Variants in REV3L observed in about 807,000 individuals in gnomAD.
The protein encoded by REV3L is DNA polymerase zeta catalytic subunit.
Under a neutral mutation model 299.4 loss-of-function variants are expected in REV3L, and 69 were observed. The ratio of observed to expected loss-of-function variants is 0.23; its 90% CI spans 0.19 to 0.28. The LOEUF (loss-of-function observed/expected upper bound fraction) is 0.28. Among genes scored for constraint, REV3L ranks in the 10% least tolerant of loss-of-function variants. The pLI, the probability that REV3L is intolerant of heterozygous loss-of-function variation, is 1.00. For missense variants in REV3L, 3,128 were observed against 3,693.8 expected (o/e 0.85, Z 3.97); for synonymous variants, 1,238 against 1,271.4 (o/e 0.97, Z 0.56).
At chr6:111,325,262 A>G (rs1774655638) in intron 25 of REV3L, among the ~76,000 whole-genome samples, 1 of 152,262 alleles carries the variant, frequency 6.6e-6, no homozygotes, top group South Asian at 2.1e-4. Flanking sequence ...AAAAGGCACA[A>G]ATATACCTTT....
upstream of REV3L, chr6:111,483,249 G>T: frequency 2.1e-6 from 1 of 486,094 alleles, no homozygotes; most frequent in East Asian, 3.5e-5. Flanking sequence ...GGGGAGAGGG[G>T]GGTGTGTGTG....
chr6:111,368,874 T>C (rs372053886), intron 13 of REV3L, among the ~76,000 whole-genome samples: 1 of 152,162 alleles, frequency 6.6e-6, no homozygotes, highest in South Asian at 2.1e-4. Flanking sequence ...ATTCCCCAAA[T>C]GTCCCCATCA....
chr6:111,365,064 A>G (rs1466740258), intron 15 of REV3L, among the ~76,000 whole-genome samples: 2 of 151,936 alleles, frequency 1.3e-5, no homozygotes, highest in African/African-American at 2.4e-5. Context: ...GTATTTACAT[A>G]TAAGAATCTT....
At chr6:111,314,586 G>C (rs1773320853) in intron 27 of REV3L, among the ~76,000 whole-genome samples, 1 of 152,092 alleles carries the variant, frequency 6.6e-6, no homozygotes, top group Admixed American at 6.6e-5. Context: ...CTGCTGGTTG[G>C]GTTACCCCTA....
chr6:111,365,092 A>C (rs763743321), intron 15 of REV3L, among the ~76,000 whole-genome samples, 173 bp downstream of exon 15: 14 of 151,982 alleles, frequency 9.2e-5, no homozygotes, highest in Non-Finnish European at 1.5e-4. Flanking sequence ...CCAACATCAA[A>C]AAAAAAACTA....
At chr6:111,453,371 C>T (rs1395439172) in intron 1 of REV3L, among the ~76,000 whole-genome samples, 3 of 152,160 alleles carry the variant, frequency 2.0e-5, no homozygotes, top group Non-Finnish European at 2.9e-5. Flanking sequence ...TTCAATAGCA[C>T]ATATACTTTC....
At chr6:111,358,501 G>C (rs1778322691) in intron 17 of REV3L, among the ~76,000 whole-genome samples, 1 of 152,094 alleles carries the variant, frequency 6.6e-6, no homozygotes, top group African/African-American at 2.4e-5. Context: ...ACCCAGGCTG[G>C]AATGCAGTGG....
chr6:111,428,514 T>C (rs962205834), intron 1 of REV3L, among the ~76,000 whole-genome samples: 11 of 151,866 alleles, frequency 7.2e-5, no homozygotes, highest in African/African-American at 2.7e-4. Flanking sequence ...TAGAGAAATT[T>C]AACAAGAAGA....
chr6:111,375,661 G>A lies in REV3L; in HGVS notation c.2694C>T (p.His898=). ...KTPTDGFIDC[H]FGDGTLETEQ... is the part of the protein sequence containing the mutation. Reference sequence around the variant, plus strand: ...CAGTTTCTAACGTTCCATCTCCAAAGTGACAGTCTATAAAACCATCTGTGG... The same window carrying A: ...CAGTTTCTAACGTTCCATCTCCAAAATGACAGTCTATAAAACCATCTGTGG... Residue 898 remains histidine (H), a synonymous_variant, in exon 13 of 32, where the codon CAC becomes CAT. Coordinates refer to ENST00000368802, the MANE Select transcript of REV3L (RefSeq NM_001372078.1). The A allele has an allele frequency of 6.2e-7, 1 of 1,613,904 alleles. No individual in the cohort carries two copies. The highest frequency in any genetic ancestry group is 1.1e-5 in the South Asian group (1 of 91,064).
chr6:111,349,967 T>C (rs1229299398), intron 19 of REV3L, among the ~76,000 whole-genome samples: 1 of 152,238 alleles, frequency 6.6e-6, no homozygotes, highest in Non-Finnish European at 1.5e-5. Context: ...GAAGTTTACC[T>C]AGAATATAAA....
At chr6:111,406,195 A>C (rs1422424842) in intron 3 of REV3L, among the ~76,000 whole-genome samples, 1 of 152,190 alleles carries the variant, frequency 6.6e-6, no homozygotes, top group African/African-American at 2.4e-5. Flanking sequence ...CTCTCTAAGC[A>C]AGAGACTAAA....
intron 17 of REV3L, among the ~76,000 whole-genome samples, 156 bp downstream of exon 17, chr6:111,358,666 G>T (rs110732): frequency 0.4 from 60,597 of 151,914 alleles, 14,618 homozygotes; most frequent in Non-Finnish European, 0.54. Flanking sequence ...AATAAATCTA[G>T]GACAAAGTTA....
intron 1 of REV3L, among the ~76,000 whole-genome samples, chr6:111,425,184 C>T (rs918786179): frequency 7.6e-4 from 115 of 152,250 alleles, no homozygotes; most frequent in South Asian, 4.1e-4. Context: ...GACTGCCGGG[C>T]GCGGTGGCTC....
chr6:111,456,167 C>T (rs1206805185), intron 1 of REV3L, among the ~76,000 whole-genome samples: 3 of 152,176 alleles, frequency 2.0e-5, no homozygotes, highest in African/African-American at 7.2e-5. Context: ...ACATCCCTGT[C>T]GTTAAGCAAC....
chr6:111,460,772 C>T (rs563159679), intron 1 of REV3L, among the ~76,000 whole-genome samples: 107 of 152,170 alleles, frequency 7.0e-4, no homozygotes, highest in African/African-American at 2.5e-3. Flanking sequence ...ATAACTGTCT[C>T]TAAAGCAAAA....
chr6:111,394,436 C>T (rs983249874), intron 4 of REV3L, among the ~76,000 whole-genome samples: 2 of 152,088 alleles, frequency 1.3e-5, no homozygotes, highest in Non-Finnish European at 2.9e-5. Flanking sequence ...TGTATGTCTT[C>T]TTTTTTGAGA....
At chr6:111,335,847 G>A (rs1562140801) in intron 21 of REV3L, among the ~76,000 whole-genome samples, 1 of 152,056 alleles carries the variant, frequency 6.6e-6, no homozygotes, top group Non-Finnish European at 1.5e-5. Context: ...TTGTGATTAG[G>A]TGGTAAGATT....
intron 20 of REV3L, among the ~76,000 whole-genome samples, chr6:111,348,241 C>CTA (rs1330032556): frequency 1.3e-5 from 2 of 152,152 alleles, no homozygotes; most frequent in African/African-American, 4.8e-5. Context: ...GTGTGAGCCA[C>CTA]CATGTATGGC....
chr6:111,357,003 C>T lies in REV3L; in HGVS notation c.7184+11G>A, dbSNP rs1295377011. The T allele has an allele frequency of 2.1e-6, 3 of 1,453,560 alleles. No homozygotes were observed. The highest frequency in any genetic ancestry group is 2.8e-5 in the African/African-American group (2 of 70,506). The allele number at this position is 1,453,560 out of a possible 1,614,324, so 90.0% of individuals were successfully genotyped here. A position where few individuals can be genotyped will look rare whatever the true frequency, so the allele number is the denominator to read the frequency against. On this transcript the variant is annotated intron_variant, in intron 18 of 31. Coordinates refer to ENST00000368802, the MANE Select transcript of REV3L (RefSeq NM_001372078.1). ...AATAAAACTGGAAAAATCAGATATA[C>T]AAAACAATACCTCTTTATTATATTT...
Sources: allele counts gnomAD v4.1 joint callset (sites outside exome capture counted in the v4.1 genomes callset), GRCh38; gene constraint gnomAD v4.1.1; transcripts MANE v1.5; gene names NCBI Gene and HGNC (gene_info 2026-07-23, HGNC 2026-07-21).